DYRK4: variants seen among roughly 807,000 people sequenced by gnomAD.
DYRK4 encodes the protein dual specificity tyrosine phosphorylation regulated kinase 4, also known as dual specificity tyrosine-phosphorylation-regulated kinase 4.
In DYRK4, 64 loss-of-function variants were observed where a neutral mutation model predicts 68.3. The observed-to-expected ratio is 0.94, with a 90% confidence interval of 0.77 to 1.15. DYRK4 has a LOEUF of 1.15. Ranked by LOEUF, DYRK4 falls within the 50% of genes most tolerant of loss-of-function variation. DYRK4 has a pLI of 0.00. For missense variants in DYRK4, 740 were observed against 764.7 expected (o/e 0.97, Z 0.38); for synonymous variants, 274 against 289.9 (o/e 0.95, Z 0.56).
intron 1 of DYRK4, among the ~76,000 whole-genome samples, chr12:4,563,981 A>G (rs1430908896): frequency 1.3e-5 from 2 of 152,242 alleles, no homozygotes; most frequent in African/African-American, 4.8e-5. Context: ...CAGCATAGAC[A>G]GAGTGATTGC....
intron 2 of DYRK4, among the ~76,000 whole-genome samples, chr12:4,576,026 T>A (rs1170694149): frequency 7.9e-5 from 12 of 152,214 alleles, no homozygotes; most frequent in Non-Finnish European, 1.2e-4. Context: ...GATACATTAT[T>A]ATTAGCTGAT....
At chr12:4,581,549 G>A (rs1365658344) in intron 2 of DYRK4, among the ~76,000 whole-genome samples, 3 of 152,216 alleles carry the variant, frequency 2.0e-5, no homozygotes, top group East Asian at 1.9e-4. Flanking sequence ...AAGAAGGGCC[G>A]GGGAGCATGG....
chr12:4,608,180 A>G (rs1340932143), intron 12 of DYRK4, among the ~76,000 whole-genome samples: 1 of 152,226 alleles, frequency 6.6e-6, no homozygotes, highest in Non-Finnish European at 1.5e-5. Flanking sequence ...CCAGATAGAA[A>G]CAGCCAGAGT....
chr12:4,601,514 G>T (rs61909653), intron 10 of DYRK4, among the ~76,000 whole-genome samples: 3,173 of 152,260 alleles, frequency 0.021, 50 homozygotes, highest in Non-Finnish European at 0.031. Flanking sequence ...TTTGAAAAGA[G>T]AGATTTAAAT....
chr12:4,589,058 G>A (rs1471126232), intron 3 of DYRK4, 41 bp downstream of exon 3: 1 of 1,524,494 alleles, frequency 6.6e-7, no homozygotes, highest in Admixed American at 2.0e-5. Flanking sequence ...AGGAGAGAAT[G>A]AGGAGAGGTG....
In DYRK4 at chr12:4,562,386, G is replaced by A. The variant is rs1944635771; in HGVS notation, c.38+103G>A. On this transcript the variant is annotated intron_variant, in intron 1 of 14. Coordinates refer to ENST00000543431, the MANE Select transcript of DYRK4 (RefSeq NM_001394779.1). ...GGGTCGTGGGGGGAGAATGAAAAGC[G>A]TGCAGAATGCAAGAGCTGACCGGGG... 4 of 1,391,478 alleles carry A rather than the reference G, an allele frequency of 2.9e-6. No individual in the cohort carries two copies. In the Admixed American group the frequency reaches 1.0e-4, roughly 35 times the overall value. 86.2% of individuals were successfully genotyped at this position (1,391,478 alleles called of 1,614,324 possible).
intron 2 of DYRK4, among the ~76,000 whole-genome samples, chr12:4,584,142 G>A (rs1591793211): frequency 6.6e-6 from 1 of 152,156 alleles, no homozygotes. Context: ...TCCAAAAGAG[G>A]GGATTATATT....
intron 2 of DYRK4, among the ~76,000 whole-genome samples, chr12:4,578,320 C>T (rs1205858351): frequency 7.8e-6 from 1 of 128,680 alleles, no homozygotes; most frequent in African/African-American, 4.2e-5. Context: ...GAAGAAATTG[C>T]TGGTTAATTT....
At chr12:4,573,000 T>A (rs906622739) in intron 2 of DYRK4, 12 of 277,294 alleles carry the variant, frequency 4.3e-5, no homozygotes, top group Non-Finnish European at 7.7e-5. Context: ...CCATTTGGTG[T>A]TGGGCAAAGG....
At chr12:4,587,456 A>C (rs781023798) in intron 2 of DYRK4, among the ~76,000 whole-genome samples, 2 of 152,142 alleles carry the variant, frequency 1.3e-5, no homozygotes, top group Admixed American at 6.5e-5. Context: ...TATTCTGTTA[A>C]TGTACCTTTC....
chr12:4,592,371 C>G (rs1200408407), intron 5 of DYRK4: 3 of 152,298 alleles, frequency 2.0e-5, no homozygotes, highest in East Asian at 1.9e-4. Context: ...ATATGGTGCC[C>G]CCTATCCTAA....
intron 13 of DYRK4, among the ~76,000 whole-genome samples, chr12:4,610,692 C>T (rs957898422): frequency 1.3e-5 from 2 of 152,224 alleles, no homozygotes; most frequent in Admixed American, 1.3e-4. Context: ...TTTGCATACA[C>T]ATCCAGTGTA....
At chr12:4,576,784 C>T (rs1017041502) in intron 2 of DYRK4, among the ~76,000 whole-genome samples, 2 of 152,192 alleles carry the variant, frequency 1.3e-5, no homozygotes, top group African/African-American at 4.8e-5. Flanking sequence ...TTTTCATATG[C>T]ATATTTGACA....
intron 8 of DYRK4, among the ~76,000 whole-genome samples, chr12:4,598,261 A>G (rs2137380288): frequency 6.6e-6 from 1 of 152,306 alleles, no homozygotes; most frequent in East Asian, 1.9e-4. Context: ...AAGCTAGATG[A>G]TCTTAGAAAT....
chr12:4,573,409 C>T, intron 2 of DYRK4: 2 of 1,284,502 alleles, frequency 1.6e-6, no homozygotes, highest in East Asian at 1.1e-4. Context: ...AATTTCCAAT[C>T]AAAGAAAGGA....
chr12:4,570,035 G>A (rs866044997), intron 2 of DYRK4, among the ~76,000 whole-genome samples: 5 of 137,374 alleles, frequency 3.6e-5, no homozygotes, highest in Non-Finnish European at 6.2e-5. Context: ...AGACCCTGTC[G>A]CTATAAATAA....
chr12:4,588,293 A>G (rs1163815554), intron 2 of DYRK4, among the ~76,000 whole-genome samples: 1 of 152,162 alleles, frequency 6.6e-6, no homozygotes, highest in African/African-American at 2.4e-5. Flanking sequence ...TACAAGTTCA[A>G]TGTGCTTGTT....
At chr12:4,599,253 C>A in intron 9 of DYRK4, 87 bp downstream of exon 9, 381 of 811,832 alleles carry the variant, frequency 4.7e-4, no homozygotes, top group Non-Finnish European at 6.5e-4. Flanking sequence ...AAACTCCAAT[C>A]AAATAATTGC....
At chr12:4,608,544 T>C (rs1945180472) in intron 12 of DYRK4, among the ~76,000 whole-genome samples, 1 of 152,160 alleles carries the variant, frequency 6.6e-6, no homozygotes, top group Non-Finnish European at 1.5e-5. Context: ...ATTTGTCTAT[T>C]TCTGTACCAT....
Sources: allele counts gnomAD v4.1 joint callset (sites outside exome capture counted in the v4.1 genomes callset), GRCh38; gene constraint gnomAD v4.1.1; transcripts MANE v1.5; gene names NCBI Gene and HGNC (gene_info 2026-07-23, HGNC 2026-07-21).